PTPRN2: variants seen among roughly 807,000 people sequenced by gnomAD.
PTPRN2 encodes the protein receptor-type tyrosine-protein phosphatase N2.
Under a neutral mutation model 118.8 loss-of-function variants are expected in PTPRN2, and 74 were observed. The observed-to-expected ratio is 0.62, with a 90% CI of 0.52 to 0.76. PTPRN2 has a LOEUF of 0.76. Among genes scored for constraint, PTPRN2 ranks in the 30% least tolerant of loss-of-function variants. PTPRN2 has a pLI of 0.00. For missense variants in PTPRN2, 1,481 were observed against 1,394.4 expected, an observed-to-expected ratio of 1.06 and a Z score of -0.99; for synonymous variants, 641 against 608.0, an observed-to-expected ratio of 1.05 and a Z score of -0.80.
intron 6 of PTPRN2, among the ~76,000 whole-genome samples, chr7:158,154,743 T>C (rs1170795343): frequency 9.1e-6 from 1 of 109,296 alleles, no homozygotes; most frequent in Admixed American, 1.2e-4. Context: ...TAATGAAAAA[T>C]AACTTTAAAA....
At chr7:157,946,277 A>G (rs1800483201) in intron 11 of PTPRN2, among the ~76,000 whole-genome samples, 1 of 151,728 alleles carries the variant, frequency 6.6e-6, no homozygotes, top group Admixed American at 6.6e-5. Context: ...TCTGCGTTTG[A>G]GAAGACACTA....
rs143573065 is a variant in PTPRN2, at chr7:157,976,792, T to C, written c.1724-78055A>G. On this transcript the variant is annotated intron_variant, in intron 11 of 22. Coordinates refer to ENST00000389418, the MANE Select transcript of PTPRN2 (RefSeq NM_002847.5). Reference sequence around the variant, plus strand: ...AACTAAGTAATATTTTGTTTTTAAATGTACCTAAGCCCATGTTGTCTTGTT... The same window carrying C: ...AACTAAGTAATATTTTGTTTTTAAACGTACCTAAGCCCATGTTGTCTTGTT... 1.5e-3 allele frequency among the ~76,000 whole-genome samples: 225 copies of C among 152,050 alleles called. 1 individual carries two copies. The highest frequency in any genetic ancestry group is 5.0e-3 in the African/African-American group (208 of 41,542).
chr7:158,513,625 C>G (rs113510900), intron 1 of PTPRN2, among the ~76,000 whole-genome samples: 1 of 152,108 alleles, frequency 6.6e-6, no homozygotes, highest in Non-Finnish European at 1.5e-5. Context: ...TTATTATAGA[C>G]AGAGAGAGAA....
At chr7:157,640,187 T>TA (rs562162708) in intron 14 of PTPRN2, among the ~76,000 whole-genome samples, 14 of 152,328 alleles carry the variant, frequency 9.2e-5, no homozygotes, top group Admixed American at 2.6e-4. Context: ...TTGAAGGTGT[T>TA]AAAGTAGGAA....
intron 12 of PTPRN2, among the ~76,000 whole-genome samples, chr7:157,839,995 CGTGTGTGACT>C (rs1173453428): frequency 1.2e-4 from 16 of 133,884 alleles, no homozygotes; most frequent in African/African-American, 3.4e-4. Flanking sequence ...ACTGTGTGGC[CGTGTGTGACT>C]GTGTGTGACT....
intron 13 of PTPRN2, among the ~76,000 whole-genome samples, chr7:157,668,945 A>G (rs1796271812): frequency 6.6e-6 from 1 of 152,196 alleles, no homozygotes; most frequent in Non-Finnish European, 1.5e-5. Context: ...GTTTTACTTG[A>G]TTTTATTTCA....
intron 1 of PTPRN2, among the ~76,000 whole-genome samples, chr7:158,536,661 T>TCAA (rs1825663819): frequency 6.7e-6 from 1 of 149,080 alleles, no homozygotes; most frequent in African/African-American, 2.5e-5. Flanking sequence ...CAGCCCACCA[T>TCAA]TGACAAAACA....
At chr7:157,911,411 C>A (rs529698865) in intron 11 of PTPRN2, among the ~76,000 whole-genome samples, 1 of 152,286 alleles carries the variant, frequency 6.6e-6, no homozygotes, top group South Asian at 2.1e-4. Context: ...CACCTACTGA[C>A]ATGTGTATAA....
At chr7:157,731,345 T>C (rs78523491) in intron 12 of PTPRN2, among the ~76,000 whole-genome samples, 5,496 of 152,302 alleles carry the variant, frequency 0.036, 143 homozygotes, top group Non-Finnish European at 0.06. Context: ...ATGTGAACTC[T>C]GCGGTGACTA....
intron 11 of PTPRN2, among the ~76,000 whole-genome samples, chr7:158,006,526 TG>T (rs1309502720): frequency 6.6e-6 from 1 of 152,232 alleles, no homozygotes; most frequent in Non-Finnish European, 1.5e-5. Flanking sequence ...GGCAAAGATC[TG>T]GCGAGGGAAG....
chr7:157,812,732 A>G (rs1806134740), intron 12 of PTPRN2, among the ~76,000 whole-genome samples: 1 of 152,098 alleles, frequency 6.6e-6, no homozygotes, highest in South Asian at 2.1e-4. Flanking sequence ...CATTTAACGT[A>G]TAGCCAAGGA....
At chr7:158,374,525 G>A (rs1257780245) in intron 2 of PTPRN2, among the ~76,000 whole-genome samples, 11 of 151,936 alleles carry the variant, frequency 7.2e-5, no homozygotes, top group Admixed American at 6.6e-4. Flanking sequence ...AGAATGTTTA[G>A]AGAGACTTTA....
chr7:157,678,163 G>T (rs1176379794), intron 13 of PTPRN2, among the ~76,000 whole-genome samples: 1 of 152,116 alleles, frequency 6.6e-6, no homozygotes, highest in Non-Finnish European at 1.5e-5. Flanking sequence ...TTTTCACAGG[G>T]TGCCCTTCAT....
chr7:158,505,628 G>A (rs1329202239), intron 1 of PTPRN2, among the ~76,000 whole-genome samples: 4 of 151,984 alleles, frequency 2.6e-5, no homozygotes, highest in Non-Finnish European at 5.9e-5. Flanking sequence ...TTGGTTTAGA[G>A]GACTTCATTC....
intron 12 of PTPRN2, among the ~76,000 whole-genome samples, chr7:157,746,668 G>A (rs1365904835): frequency 2.0e-5 from 3 of 152,258 alleles, no homozygotes; most frequent in Admixed American, 6.5e-5. Flanking sequence ...CAGTCTTCAC[G>A]GGGCCCTGAG....
intron 11 of PTPRN2, among the ~76,000 whole-genome samples, chr7:158,002,003 C>G (rs765625182): frequency 6.6e-6 from 1 of 152,196 alleles, no homozygotes; most frequent in Non-Finnish European, 1.5e-5. Flanking sequence ...AGACGATGGC[C>G]GCCAGCTTCA....
At chr7:157,880,651 G>C (rs1389552764) in intron 12 of PTPRN2, among the ~76,000 whole-genome samples, 1 of 152,226 alleles carries the variant, frequency 6.6e-6, no homozygotes, top group East Asian at 1.9e-4. Flanking sequence ...TTTGTACCAT[G>C]TGGTAATTTT....
chr7:158,387,754 A>T (rs1270680859), intron 2 of PTPRN2, among the ~76,000 whole-genome samples: 2 of 152,144 alleles, frequency 1.3e-5, no homozygotes, highest in Admixed American at 6.5e-5. Context: ...AAGGAGATGG[A>T]ATCCTGCTGT....
chr7:158,541,517 C>T (rs1327541205), intron 1 of PTPRN2: 2 of 1,352,040 alleles, frequency 1.5e-6, no homozygotes, highest in African/African-American at 1.5e-5. Context: ...TCACTTCCAC[C>T]CTGGGCAAGG....
Sources: allele counts gnomAD v4.1 joint callset (sites outside exome capture counted in the v4.1 genomes callset), GRCh38; gene constraint gnomAD v4.1.1; transcripts MANE v1.5; gene names NCBI Gene and HGNC (gene_info 2026-07-23, HGNC 2026-07-21).